The following PRR16 variants were observed in gnomAD, a reference collection of about 807,000 sequenced individuals.
PRR16 encodes proline rich 16.
A neutral mutation model predicts 18.2 loss-of-function variants in PRR16; 6 were observed. The observed-to-expected ratio is 0.33, with a 90% confidence interval of 0.18 to 0.65. The LOEUF is 0.65. Ranked by LOEUF, PRR16 falls within the 30% of genes least tolerant of loss-of-function variation. PRR16 has a pLI of 0.74. For synonymous variants in PRR16, 151 were observed against 147.8 expected, an observed-to-expected ratio of 1.02 and a Z score of -0.16; for missense variants, 412 against 376.6, an observed-to-expected ratio of 1.09 and a Z score of -0.78.
At chr5:120,600,183 A>G (rs1376786479) in intron 1 of PRR16, among the ~76,000 whole-genome samples, 2 of 151,552 alleles carry the variant, frequency 1.3e-5, no homozygotes, top group African/African-American at 4.8e-5. Context: ...TTTATGTTTT[A>G]TCAATCATAT....
the PRR16 span, among the ~76,000 whole-genome samples, chr5:120,723,420 T>G: frequency 6.6e-6 from 1 of 151,974 alleles, no homozygotes; most frequent in East Asian, 1.9e-4. Flanking sequence ...ATGCTGTCTA[T>G]GAGAAATAGT....
At chr5:120,596,264 T>C (rs1283795311) in intron 1 of PRR16, among the ~76,000 whole-genome samples, 1 of 151,682 alleles carries the variant, frequency 6.6e-6, no homozygotes, top group Admixed American at 6.6e-5. Context: ...TTTTCCTACA[T>C]AAGGTACCTA....
At chr5:120,661,657 A>G (rs1283085631) in intron 1 of PRR16, among the ~76,000 whole-genome samples, 2 of 151,696 alleles carry the variant, frequency 1.3e-5, no homozygotes, top group African/African-American at 2.4e-5. Context: ...ATACAGAGAG[A>G]TCTTTGCCTT....
At chr5:120,594,092 A>G (rs1207183416) in intron 1 of PRR16, among the ~76,000 whole-genome samples, 1 of 152,156 alleles carries the variant, frequency 6.6e-6, no homozygotes, top group African/African-American at 2.4e-5. Flanking sequence ...ACACTGGCAC[A>G]AGATAAGGAT....
chr5:120,572,465 A>G (rs1752937990), intron 1 of PRR16, among the ~76,000 whole-genome samples: 1 of 152,224 alleles, frequency 6.6e-6, no homozygotes, highest in Non-Finnish European at 1.5e-5. Flanking sequence ...GGAAAATTGT[A>G]GAAATGAAAA....
intron 1 of PRR16, among the ~76,000 whole-genome samples, chr5:120,537,642 G>T (rs1208099405): frequency 6.8e-6 from 1 of 146,526 alleles, no homozygotes; most frequent in Non-Finnish European, 1.5e-5. Context: ...CCTTGCCCAT[G>T]ACTGAAGTTA....
the PRR16 span, among the ~76,000 whole-genome samples, chr5:120,698,961 T>C: frequency 1.3e-5 from 2 of 152,278 alleles, no homozygotes; most frequent in Admixed American, 1.3e-4. Context: ...TGAGGAATTA[T>C]GTCTGACAGA....
the PRR16 span, among the ~76,000 whole-genome samples, chr5:120,781,745 T>A: frequency 6.6e-6 from 1 of 152,154 alleles, no homozygotes; most frequent in Non-Finnish European, 1.5e-5. Context: ...ATAAAAGCAG[T>A]TTTTTTCTTG....
rs149877591 is a variant in PRR16, at chr5:120,564,656, A to G, written c.159+100011A>G. ...GTGGAAAGGTGGTGTCAGTGATTCAAGCCCTCCTCAGTGCTTCTTTCAGTG... is the reference window on the plus strand; with the variant it reads ...GTGGAAAGGTGGTGTCAGTGATTCAGGCCCTCCTCAGTGCTTCTTTCAGTG... On this transcript the variant is annotated intron_variant, in intron 1 of 1. Coordinates refer to ENST00000407149, the MANE Select transcript of PRR16 (RefSeq NM_001300783.2). 3.9e-5 allele frequency among the ~76,000 whole-genome samples: 6 copies of G among 152,252 alleles called. No homozygotes were observed. The East Asian group carries it at 9.7e-4, about 25-fold the overall frequency.
At chr5:120,563,157 A>G (rs1752628322) in intron 1 of PRR16, among the ~76,000 whole-genome samples, 6 of 152,054 alleles carry the variant, frequency 3.9e-5, no homozygotes. Context: ...ATATTATTCT[A>G]TGGTAAAGTT....
chr5:120,779,073 TC>T, the PRR16 span, among the ~76,000 whole-genome samples: 49 of 152,154 alleles, frequency 3.2e-4, no homozygotes, highest in African/African-American at 1.2e-3. Context: ...ATGCCTCATT[TC>T]CAATGGAACT....
chr5:120,615,024 A>G (rs1007149475), intron 1 of PRR16, among the ~76,000 whole-genome samples: 9 of 149,154 alleles, frequency 6.0e-5, no homozygotes, highest in Non-Finnish European at 1.0e-4. Flanking sequence ...ATGCATTGTT[A>G]CTTCCCTATT....
intron 1 of PRR16, among the ~76,000 whole-genome samples, chr5:120,600,893 A>C (rs1054081456): frequency 6.6e-6 from 1 of 151,938 alleles, no homozygotes; most frequent in African/African-American, 2.4e-5. Flanking sequence ...GTGTTGCATC[A>C]GAGGTCATGA....
At chr5:120,546,812 T>TG (rs1752087315) in intron 1 of PRR16, among the ~76,000 whole-genome samples, 1 of 151,818 alleles carries the variant, frequency 6.6e-6, no homozygotes, top group Non-Finnish European at 1.5e-5. Context: ...ACCTCAAGGG[T>TG]GGCCCACTGG....
the PRR16 span, among the ~76,000 whole-genome samples, chr5:120,771,933 G>GA: frequency 4.0e-5 from 6 of 148,306 alleles, no homozygotes; most frequent in African/African-American, 7.9e-5. Context: ...GATCAAATAA[G>GA]AAAAAATGTT....
At chr5:120,705,894 G>C in the PRR16 span, among the ~76,000 whole-genome samples, 212 of 152,188 alleles carry the variant, frequency 1.4e-3, no homozygotes, top group African/African-American at 4.7e-3. Flanking sequence ...AAAATATGAA[G>C]TATTCTAACA....
chr5:120,688,847 G>A (rs551084213), downstream of PRR16, among the ~76,000 whole-genome samples: 18 of 152,214 alleles, frequency 1.2e-4, no homozygotes, highest in South Asian at 3.1e-3. Flanking sequence ...AAATTTAATC[G>A]TTCAAGCTGG....
intron 1 of PRR16, among the ~76,000 whole-genome samples, chr5:120,667,092 A>C (rs1485428290): frequency 6.6e-6 from 1 of 150,854 alleles, no homozygotes. Flanking sequence ...CTGGTCCTGG[A>C]CTCCTTTTGG....
chr5:120,568,402 G>A (rs1170410015), intron 1 of PRR16, among the ~76,000 whole-genome samples: 1 of 152,112 alleles, frequency 6.6e-6, no homozygotes, highest in Non-Finnish European at 1.5e-5. Context: ...TAATGTCATT[G>A]TTTATGATCA....
Sources: gnomAD v4.1 joint callset for allele counts (sites outside exome capture counted in the v4.1 genomes callset) on GRCh38, gnomAD v4.1.1 for gene constraint, MANE v1.5 for transcripts, NCBI Gene and HGNC (gene_info 2026-07-23, HGNC 2026-07-21) for gene names.